The following RPS6KA4 variants were observed in gnomAD, a reference collection of about 807,000 sequenced individuals.
RPS6KA4 encodes the protein ribosomal protein S6 kinase alpha-4.
In RPS6KA4, 38 loss-of-function variants were observed where a neutral mutation model predicts 89.6. That is an observed-to-expected ratio of 0.42 (90% CI 0.33 to 0.56). The LOEUF (loss-of-function observed/expected upper bound fraction) is 0.56, where lower values mean the gene tolerates loss of function less well. Ranked by LOEUF, RPS6KA4 falls within the 20% of genes least tolerant of loss-of-function variation. The pLI is 0.07. For missense variants in RPS6KA4, 873 were observed against 1,098.8 expected (o/e 0.79, Z 2.90); for synonymous variants, 495 against 492.8 (o/e 1.00, Z -0.06).
At chr11:64,366,133 T>A (rs2036876235) in intron 9 of RPS6KA4, among the ~76,000 whole-genome samples, 1 of 151,748 alleles carries the variant, frequency 6.6e-6, no homozygotes, top group Middle Eastern at 3.4e-3. Context: ...TGGCATAGCA[T>A]GGTACACTCC....
Position 64,368,269 on chromosome 11 carries a change from G to A in RPS6KA4, c.1200+9G>A, listed in dbSNP as rs773112173. ...GGAGCGCTATGATGCAGGTGGGCTG[G>A]GCTGGGCTGGGTTGGGGGGAAATTG... is the stretch of plus-strand genomic sequence containing the variant. On this transcript the variant is annotated intron_variant, in intron 10 of 16. Coordinates refer to ENST00000334205, the MANE Select transcript of RPS6KA4 (RefSeq NM_003942.3). The A allele has an allele frequency of 1.9e-6, 3 of 1,612,886 alleles. No individual in the cohort carries two copies. Among genetic ancestry groups the A allele is most frequent in the Non-Finnish European group, 2.5e-6 (3 of 1,179,894 alleles).
At position 64,370,783 on chromosome 11, in the gene RPS6KA4, C is replaced by T. The variant is rs557149379; in HGVS notation, c.2121+57C>T. ...TGGGCGAAGCCTCGAGAGGTGGGGT[C>T]TGGGGAGGCCCGGCCATCGGAGCAC... On this transcript the variant is annotated intron_variant, in intron 16 of 16. Transcript: ENST00000334205. The surrounding 1 kb of genome is among the most constrained non-coding windows in gnomAD (Gnocchi z 4.1). 2 of 1,454,198 alleles carry T rather than the reference C, an allele frequency of 1.4e-6. No homozygotes were observed. Among genetic ancestry groups the T allele is most frequent in the South Asian group, 2.8e-5 (2 of 72,542 alleles). The allele number at this position is 1,454,198 out of a possible 1,614,324, so 90.1% of individuals were successfully genotyped here. A position where few individuals can be genotyped will look rare whatever the true frequency, so the allele number is the denominator to read the frequency against.
At chr11:64,371,131 G>A in intron 16 of RPS6KA4, 152 bp from the exon 17 acceptor site, 1 of 651,344 alleles carries the variant, frequency 1.5e-6, no homozygotes, top group Non-Finnish European at 2.6e-6. Flanking sequence ...AAAAAAGGGA[G>A]GTGAACCGAA....
rs1241319617 is a variant in RPS6KA4, at chr11:64,370,320, G to T, written c.1893G>T (p.Gly631=). The change falls in exon 15 of 17, where the codon GGG becomes GGT. Residue 631 remains glycine, a synonymous_variant. Transcript: ENST00000334205. The surrounding 1 kb of genome is among the most constrained non-coding windows in gnomAD (Gnocchi z 4.1). ...AAEIMCKIRE[G]RFSLDGEAWQ... ...AGATCATGTGCAAAATCCGCGAGGGGCGCTTCTCCCTTGACGGGGAGGCCT... is the reference window on the plus strand; with the variant it reads ...AGATCATGTGCAAAATCCGCGAGGGTCGCTTCTCCCTTGACGGGGAGGCCT... 6.3e-7 allele frequency: 1 copy of T among 1,597,430 alleles called. No homozygotes were observed. The highest frequency in any genetic ancestry group is 1.4e-5 in the African/African-American group (1 of 73,644).
At chr11:64,367,362 G>T (rs1301084271) in intron 9 of RPS6KA4, among the ~76,000 whole-genome samples, 1 of 152,126 alleles carries the variant, frequency 6.6e-6, no homozygotes, top group African/African-American at 2.4e-5. Flanking sequence ...CCAGGCTAGA[G>T]TGCAATGGCA....
chr11:64,361,613 C>T lies in RPS6KA4; in HGVS notation c.652-29C>T, dbSNP rs759302374. On this transcript the variant is annotated intron_variant, in intron 6 of 16. Transcript: ENST00000334205. The surrounding 1 kb of genome is among the most constrained non-coding windows in gnomAD (Gnocchi z 4.7). ...GGTGGGGTGTGAGGCAGGGGAGATG[C>T]AGGCCCTCACCCCGGCTCCACCCGG... The T allele has an allele frequency of 1.9e-6, 3 of 1,612,758 alleles. No homozygotes were observed. Among genetic ancestry groups the T allele is most frequent in the East Asian group, 4.5e-5 (2 of 44,884 alleles).
chr11:64,371,597 T>G lies in RPS6KA4; in HGVS notation c.*117T>G. ...CCCAAGGGACTGTCCTTTCCTCTCC[T>G]ACCCCACCCCACTCCCAGACAGAGC... On this transcript the variant is annotated 3_prime_UTR_variant, in exon 17 of 17. Transcript: ENST00000334205. The G allele has an allele frequency of 1.7e-6, 1 of 580,648 alleles. No individual in the cohort carries two copies. Among genetic ancestry groups the G allele is most frequent in the Non-Finnish European group, 3.1e-6 (1 of 326,130 alleles). The allele number at this position is 580,648 out of a possible 1,614,324, so 36.0% of individuals were successfully genotyped here.
Position 64,366,119 on chromosome 11 carries a change from C to T in RPS6KA4, c.1071+654C>T, listed in dbSNP as rs546665395. On this transcript the variant is annotated intron_variant, in intron 9 of 16. Coordinates refer to ENST00000334205, the MANE Select transcript of RPS6KA4 (RefSeq NM_003942.3). ...CATGTTGATATTGTGGCTTTGCATG[C>T]CCTTGGCATAGCATGGTACACTCCT... Among the ~76,000 whole-genome samples the T allele has an allele frequency of 3.9e-5, 6 of 151,992 alleles. No homozygotes were observed. In the East Asian group the frequency reaches 1.2e-3, roughly 29 times the overall value.
At position 64,360,273 on chromosome 11, in the gene RPS6KA4, G is replaced by T. The variant is rs1384414238; in HGVS notation, c.238G>T (p.Glu80Ter). The part of the protein sequence containing the change: ...AALVQRAKTQ[E>*]HTRTERSVLE... The stretch of plus-strand genomic sequence containing the variant: ...GCTGGTGCAGCGCGCCAAGACGCAA[G>T]AGCACACGCGCACCGAGCGCTCGGT... The change falls in exon 3 of 17, where the codon GAG becomes TAG. Residue 80 changes from glutamate to a stop codon, truncating the protein, a stop_gained. Transcript: ENST00000334205. LOFTEE classifies it high-confidence loss of function. The T allele has an allele frequency of 1.3e-6, 2 of 1,547,492 alleles. No homozygotes were observed. Among genetic ancestry groups the T allele is most frequent in the Non-Finnish European group, 8.7e-7 (1 of 1,146,216 alleles).
In RPS6KA4 at chr11:64,371,722, C is replaced by A; in HGVS notation, c.*242C>A. The A allele has an allele frequency of 4.5e-6, 2 of 440,742 alleles. No individual in the cohort carries two copies. Among genetic ancestry groups the A allele is most frequent in the Non-Finnish European group, 8.1e-6 (2 of 247,608 alleles). 27.3% of individuals were successfully genotyped at this position (440,742 alleles called of 1,614,324 possible). A position where few individuals can be genotyped will look rare whatever the true frequency, so the allele number is the denominator to read the frequency against. ...GAGTGGGGTTTGGGGGGCCCTCTCC[C>A]AGGACACTGCCTCTTCTGGGCAGAA... is the stretch of plus-strand genomic sequence containing the variant. On this transcript the variant is annotated 3_prime_UTR_variant, in exon 17 of 17. Coordinates refer to ENST00000334205, the MANE Select transcript of RPS6KA4 (RefSeq NM_003942.3).
intron 9 of RPS6KA4, among the ~76,000 whole-genome samples, chr11:64,365,912 G>T (rs767297407): frequency 4.0e-5 from 6 of 151,836 alleles, no homozygotes; most frequent in Non-Finnish European, 7.4e-5. Flanking sequence ...GGTGGTATGC[G>T]CCTGTAATCC....
At chr11:64,369,360 C>G (rs908992715) in intron 12 of RPS6KA4, 86 bp from the exon 13 acceptor site, 3 of 1,404,480 alleles carry the variant, frequency 2.1e-6, no homozygotes, top group Non-Finnish European at 2.8e-6. Flanking sequence ...TGGCAGGGCC[C>G]GAAGGCCGGG....
chr11:64,364,192 C>T (rs1487276453), intron 8 of RPS6KA4, among the ~76,000 whole-genome samples: 1 of 148,536 alleles, frequency 6.7e-6, no homozygotes, highest in African/African-American at 2.5e-5. Context: ...GCTTCTATCC[C>T]TGGGGTTGCT....
Position 64,361,689 on chromosome 11 carries a change from G to C in RPS6KA4, c.699G>C (p.Thr233=), listed in dbSNP as rs373639233. ...GCATCTTGCTCTTCGAGCTGCTGAC[G>C]GGGGCCTCGCCCTTCACCCTGGAGG... The part of the protein sequence containing the change: ...SLGILLFELL[T]GASPFTLEGE... Residue 233 remains threonine, a synonymous_variant, in exon 7 of 17, where the codon ACG becomes ACC. Coordinates refer to ENST00000334205, the MANE Select transcript of RPS6KA4 (RefSeq NM_003942.3). The surrounding 1 kb of genome is among the most constrained non-coding windows in gnomAD (Gnocchi z 4.7). 2 of 1,612,414 alleles carry C rather than the reference G, an allele frequency of 1.2e-6. No homozygotes were observed. Among genetic ancestry groups the C allele is most frequent in the Admixed American group, 1.7e-5 (1 of 59,762 alleles).
In RPS6KA4 at chr11:64,369,752, C is replaced by G. The variant is rs1415976804; in HGVS notation, c.1656C>G (p.Phe552Leu). ...TPGAPVKIID[F>L]GFARLRPQSP... ...GGGCCCCGGTGAAAATCATCGACTT[C>G]GGGTTCGCGCGGTTGCGGCCGCAGA... The change falls in exon 14 of 17, where the codon TTC becomes TTG. Residue 552 changes from phenylalanine to leucine, a missense_variant. Phe to Leu is a conservative substitution (Grantham distance 22). Transcript: ENST00000334205. 1 of 1,611,596 alleles carries G rather than the reference C, an allele frequency of 6.2e-7. No individual in the cohort carries two copies. The highest frequency in any genetic ancestry group is 1.3e-5 in the African/African-American group (1 of 75,024).
Position 64,365,298 on chromosome 11 carries a change from C to T in RPS6KA4, c.907-3C>T, listed in dbSNP as rs778143295. ...CACCTGACCTCTGATTCCCTTCCCT[C>T]AGGGCCTCGATTGGGTGGCTCTGGC... is the stretch of plus-strand genomic sequence containing the variant. On this transcript the variant is annotated splice_polypyrimidine_tract_variant and splice_region_variant and intron_variant, in intron 8 of 16. Transcript: ENST00000334205. The T allele has an allele frequency of 3.1e-6, 5 of 1,611,964 alleles. No individual in the cohort carries two copies. The highest frequency in any genetic ancestry group is 3.3e-5 in the Admixed American group (2 of 59,924).
chr11:64,368,505 G>T lies in RPS6KA4; in HGVS notation c.1238G>T (p.Arg413Leu). ...PFFQQYELDL[R>L]EPALGQGSFS... ...TTCCAGCAGTACGAGCTGGACCTGC[G>T]GGAGCCTGCGCTGGGCCAGGGCAGC... Residue 413 changes from arginine to leucine, a missense_variant, in exon 11 of 17, where the codon CGG (arginine) becomes CTG (leucine). Arg to Leu is a moderately radical substitution (Grantham distance 102). This residue lies in a region of RPS6KA4 where 542 missense variants were observed against 736.4 expected (regional missense o/e 0.74). Transcript: ENST00000334205. 6.4e-7 allele frequency: 1 copy of T among 1,563,308 alleles called. No homozygotes were observed.
At position 64,370,965 on chromosome 11, in the gene RPS6KA4, G is replaced by T. The variant is rs1370798585; in HGVS notation, c.2121+239G>T. Among the ~76,000 whole-genome samples the T allele has an allele frequency of 6.6e-6, 1 of 152,074 alleles. No individual in the cohort carries two copies. The highest frequency in any genetic ancestry group is 1.5e-5 in the Non-Finnish European group (1 of 67,994). On this transcript the variant is annotated intron_variant, in intron 16 of 16. Coordinates refer to ENST00000334205, the MANE Select transcript of RPS6KA4 (RefSeq NM_003942.3). The surrounding 1 kb of genome is among the most constrained non-coding windows in gnomAD (Gnocchi z 4.1). ...CTAAAAAGAGAAAAATTAGCCGGGT[G>T]TGGTGGCGCGCGCCTGTAATCCCAG...
At chr11:64,362,550 G>A (rs1195224445) in intron 8 of RPS6KA4, among the ~76,000 whole-genome samples, 1 of 152,232 alleles carries the variant, frequency 6.6e-6, no homozygotes, top group African/African-American at 2.4e-5. Flanking sequence ...CTGGCCATGC[G>A]AGAATGCACT....
Sources: gnomAD v4.1 joint callset for allele counts (sites outside exome capture counted in the v4.1 genomes callset) on GRCh38, gnomAD v4.1.1 for gene constraint, gnomAD v4.1.1 regional missense constraint, Gnocchi (gnomAD v3.1) non-coding constraint, MANE v1.5 for transcripts, NCBI Gene and HGNC (gene_info 2026-07-23, HGNC 2026-07-21) for gene names.